Variants in CPVL observed in about 807,000 individuals in gnomAD.
CPVL encodes the protein probable serine carboxypeptidase CPVL.
In CPVL, 51 loss-of-function variants were observed where a neutral mutation model predicts 63.7. That is an observed-to-expected ratio of 0.80 (90% CI 0.64 to 1.01). The LOEUF (loss-of-function observed/expected upper bound fraction) is 1.01, where lower values mean the gene tolerates loss of function less well. Among genes scored for constraint, CPVL ranks in the 50% least tolerant of loss-of-function variants. CPVL has a pLI of 0.00. For synonymous variants in CPVL, 195 were observed against 206.0 expected (o/e 0.95, Z 0.46); for missense variants, 530 against 573.1 (o/e 0.92, Z 0.77).
intron 7 of CPVL, 118 bp downstream of exon 7, chr7:29,086,366 T>G: frequency 4.8e-6 from 3 of 623,428 alleles, no homozygotes; most frequent in African/African-American, 1.9e-5. Flanking sequence ...GAATCAATAT[T>G]GATATGTATG....
In CPVL at chr7:29,071,032, G is replaced by A. The variant is rs144974885; in HGVS notation, c.864+741C>T. ...CATTTACTACCATGTCAAACATGAT[G>A]GCTGTATAGTAAATACGGCAAAAAG... On this transcript the variant is annotated intron_variant, in intron 9 of 12. Coordinates refer to ENST00000265394, the MANE Select transcript of CPVL (RefSeq NM_031311.5). Among the ~76,000 whole-genome samples, 1,288 of 152,118 alleles carry A rather than the reference G, an allele frequency of 8.5e-3. 10 individuals carry two copies. Among genetic ancestry groups the A allele is most frequent in the Non-Finnish European group, 0.012 (838 of 68,002 alleles).
At chr7:29,073,826 G>A (rs561891705) in intron 7 of CPVL, among the ~76,000 whole-genome samples, 7 of 152,138 alleles carry the variant, frequency 4.6e-5, no homozygotes, top group Admixed American at 2.0e-4. Flanking sequence ...TGACTGATGC[G>A]TATATTTGTT....
chr7:29,146,376 G>A, intron 1 of CPVL, 53 bp downstream of exon 1: 1 of 668,444 alleles, frequency 1.5e-6, no homozygotes, highest in Non-Finnish European at 2.4e-6. Context: ...GGACCGAGGC[G>A]AGGACCTGTC....
chr7:29,052,635 C>T (rs1482367795), intron 11 of CPVL, among the ~76,000 whole-genome samples: 1 of 152,132 alleles, frequency 6.6e-6, no homozygotes, highest in Admixed American at 6.5e-5. Flanking sequence ...TCAGGCTGGG[C>T]ACGGTGGCTC....
intron 9 of CPVL, among the ~76,000 whole-genome samples, chr7:29,069,479 C>CA (rs1168026911): frequency 1.4e-5 from 2 of 148,018 alleles, no homozygotes; most frequent in Non-Finnish European, 3.0e-5. Flanking sequence ...CAGTTGTTGT[C>CA]AAAAAATAAC....
At chr7:29,121,498 G>T (rs1789366552) in intron 1 of CPVL, among the ~76,000 whole-genome samples, 1 of 152,084 alleles carries the variant, frequency 6.6e-6, no homozygotes, top group African/African-American at 2.4e-5. Flanking sequence ...TTCAATGGAG[G>T]ATTAGATAAA....
In CPVL at chr7:29,101,715, C is replaced by T. The variant is rs929792479; in HGVS notation, c.289-5498G>A. 4.6e-5 allele frequency among the ~76,000 whole-genome samples: 7 copies of T among 151,976 alleles called. No homozygotes were observed. The South Asian group carries it at 6.2e-4, about 13-fold the overall frequency. On this transcript the variant is annotated intron_variant, in intron 3 of 12. Coordinates refer to ENST00000265394, the MANE Select transcript of CPVL (RefSeq NM_031311.5). ...GGTATTTTTAACAGCCCCTCTTCCC[C>T]GACAAATTCTACTTCCTAGAGATGA...
At chr7:29,055,967 C>CATCT (rs1392596203) in intron 11 of CPVL, among the ~76,000 whole-genome samples, 7 of 152,122 alleles carry the variant, frequency 4.6e-5, no homozygotes, top group Non-Finnish European at 5.9e-5. Flanking sequence ...AATATACTAG[C>CATCT]ATCTATCCCC....
chr7:29,043,797 C>T (rs1235735848), intron 11 of CPVL, among the ~76,000 whole-genome samples: 1 of 152,098 alleles, frequency 6.6e-6, no homozygotes, highest in African/African-American at 2.4e-5. Context: ...CGAAAAAGCC[C>T]TAGGAAGAGC....
At chr7:29,014,885 C>A (rs1786245318) in intron 12 of CPVL, among the ~76,000 whole-genome samples, 1 of 152,184 alleles carries the variant, frequency 6.6e-6, no homozygotes, top group Non-Finnish European at 1.5e-5. Context: ...GCTTCCTAAG[C>A]TGTTTAAAAT....
intron 1 of CPVL, among the ~76,000 whole-genome samples, chr7:29,143,813 C>T (rs1792157668): frequency 6.6e-6 from 1 of 152,206 alleles, no homozygotes; most frequent in African/African-American, 2.4e-5. Context: ...CCCCCTCTTT[C>T]ACTACCACCA....
At chr7:29,111,313 C>A (rs1316972571) in intron 3 of CPVL, among the ~76,000 whole-genome samples, 1 of 152,220 alleles carries the variant, frequency 6.6e-6, no homozygotes, top group Non-Finnish European at 1.5e-5. Flanking sequence ...CCGCTCTGTG[C>A]CCTGTTAGGC....
chr7:29,193,959 T>G (rs1388482747), intron 1 of CPVL: 1 of 152,328 alleles, frequency 6.6e-6, no homozygotes, highest in African/African-American at 2.4e-5. Context: ...GCTTCCCGGG[T>G]GTTTTAGGAA....
chr7:29,135,951 A>C (rs1019970638), intron 1 of CPVL, among the ~76,000 whole-genome samples: 6 of 152,116 alleles, frequency 3.9e-5, no homozygotes, highest in African/African-American at 1.4e-4. Context: ...TTTGTTTCTC[A>C]TATACCACTT....
In CPVL at chr7:29,112,777, T is replaced by C. The variant is rs751738761; in HGVS notation, c.215A>G (p.Lys72Arg). ...LVGPFPGLNMKSYAGFLTVNK... is the reference protein window; with the variant it reads ...LVGPFPGLNMRSYAGFLTVNK... ...CACGGTGAGGAAGCCGGCATAACTC[T>C]TCATGTTCAGTCCTGGGAAAGGGCC... The change falls in exon 3 of 13, where the codon AAG becomes AGG. Residue 72 changes from lysine to arginine, a missense_variant. Lys to Arg is a conservative substitution (Grantham distance 26). Coordinates refer to ENST00000265394, the MANE Select transcript of CPVL (RefSeq NM_031311.5). The C allele has an allele frequency of 1.2e-6, 2 of 1,613,872 alleles. No individual in the cohort carries two copies. The highest frequency in any genetic ancestry group is 2.2e-5 in the East Asian group (1 of 44,860).
At chr7:29,084,097 A>T (rs1195678697) in intron 7 of CPVL, among the ~76,000 whole-genome samples, 2 of 152,150 alleles carry the variant, frequency 1.3e-5, no homozygotes, top group Non-Finnish European at 2.9e-5. Context: ...GCAGATACTC[A>T]ATATATCTGT....
intron 5 of CPVL, among the ~76,000 whole-genome samples, chr7:29,163,184 A>G (rs1400779207): frequency 2.0e-5 from 3 of 152,170 alleles, no homozygotes; most frequent in Admixed American, 2.0e-4. Context: ...ATTTTTAAGC[A>G]TGTTTGATAT....
intron 2 of CPVL, among the ~76,000 whole-genome samples, chr7:29,117,093 A>C (rs970147584): frequency 4.6e-5 from 7 of 152,234 alleles, no homozygotes; most frequent in African/African-American, 1.7e-4. Flanking sequence ...CAGATTTTGA[A>C]TCAGCCACTT....
chr7:29,057,817 T>C (rs1026473824), intron 11 of CPVL, among the ~76,000 whole-genome samples: 3 of 152,216 alleles, frequency 2.0e-5, no homozygotes, highest in Non-Finnish European at 4.4e-5. Context: ...TGACTATATT[T>C]ATGTGGGTAT....
Sources: gnomAD v4.1 joint callset for allele counts (sites outside exome capture counted in the v4.1 genomes callset) on GRCh38, gnomAD v4.1.1 for gene constraint, MANE v1.5 for transcripts, NCBI Gene and HGNC (gene_info 2026-07-23, HGNC 2026-07-21) for gene names.